The following CCDC85A variants were observed in gnomAD, a reference collection of about 807,000 sequenced individuals.
The protein encoded by CCDC85A is coiled-coil domain-containing protein 85A.
In CCDC85A, 38 loss-of-function variants were observed where a neutral mutation model predicts 50.2. The ratio of observed to expected loss-of-function variants is 0.76; its 90% CI spans 0.58 to 0.99. The LOEUF (loss-of-function observed/expected upper bound fraction) is 0.99, where lower values mean the gene tolerates loss of function less well. Ranked by LOEUF, CCDC85A falls within the 50% of genes least tolerant of loss-of-function variation. The pLI is 0.00. For missense variants in CCDC85A, 820 were observed against 742.0 expected (o/e 1.11, Z -1.22); for synonymous variants, 366 against 301.4 (o/e 1.21, Z -2.22).
At chr2:56,195,964 G>A (rs1676504421) in intron 2 of CCDC85A, among the ~76,000 whole-genome samples, 1 of 152,168 alleles carries the variant, frequency 6.6e-6, no homozygotes, top group South Asian at 2.1e-4. Flanking sequence ...ACACACATAT[G>A]CACACTGAGA....
intron 2 of CCDC85A, among the ~76,000 whole-genome samples, chr2:56,312,532 T>G (rs2104230503): frequency 6.6e-6 from 1 of 152,238 alleles, no homozygotes; most frequent in South Asian, 2.1e-4. Context: ...AAGAATAACT[T>G]TACTATTTTA....
At chr2:56,306,660 C>A (rs1245375028) in intron 2 of CCDC85A, among the ~76,000 whole-genome samples, 1 of 152,094 alleles carries the variant, frequency 6.6e-6, no homozygotes, top group Non-Finnish European at 1.5e-5. Context: ...ATGCAATTAA[C>A]GACCCATACT....
chr2:56,220,236 A>G (rs1173341840), intron 2 of CCDC85A, among the ~76,000 whole-genome samples: 2 of 142,576 alleles, frequency 1.4e-5, no homozygotes, highest in African/African-American at 4.9e-5. Context: ...TTTTGATTTT[A>G]CTTTCTACTT....
chr2:56,233,707 A>G (rs1668876961), intron 2 of CCDC85A, among the ~76,000 whole-genome samples: 1 of 152,204 alleles, frequency 6.6e-6, no homozygotes, highest in African/African-American at 2.4e-5. Context: ...CCCGCTTTAA[A>G]AGATTTTGTA....
At chr2:56,255,091 T>G (rs1171826308) in intron 2 of CCDC85A, among the ~76,000 whole-genome samples, 3 of 152,170 alleles carry the variant, frequency 2.0e-5, no homozygotes, top group African/African-American at 7.2e-5. Flanking sequence ...AAACATGGAC[T>G]TATCACACCT....
intron 3 of CCDC85A, among the ~76,000 whole-genome samples, chr2:56,372,129 T>C (rs1274535567): frequency 1.3e-5 from 2 of 152,230 alleles, no homozygotes; most frequent in Non-Finnish European, 2.9e-5. Context: ...AATGTAGTTA[T>C]ATGTTTACCA....
At chr2:56,328,820 C>T (rs778549991) in intron 2 of CCDC85A, among the ~76,000 whole-genome samples, 3 of 152,144 alleles carry the variant, frequency 2.0e-5, no homozygotes, top group African/African-American at 7.2e-5. Context: ...TGCCCTGGCT[C>T]ATGCACAACC....
chr2:56,313,361 T>C (rs536518034), intron 2 of CCDC85A, among the ~76,000 whole-genome samples: 8 of 152,298 alleles, frequency 5.3e-5, no homozygotes, highest in African/African-American at 1.7e-4. Flanking sequence ...ATAGTCCTTA[T>C]AGTACCTGGC....
intron 2 of CCDC85A, among the ~76,000 whole-genome samples, chr2:56,308,993 T>G (rs2104217681): frequency 6.6e-6 from 1 of 152,284 alleles, no homozygotes; most frequent in South Asian, 2.1e-4. Context: ...GATCTGTGGG[T>G]TCCTCAGCTT....
chr2:56,193,436 G>C lies in CCDC85A; in HGVS notation c.1236G>C (p.Met412Ile), dbSNP rs1190127330. The change falls in exon 2 of 6, where the codon ATG (methionine) becomes ATC (isoleucine). Residue 412 changes from methionine to isoleucine, a missense_variant. By Grantham distance (10) the Met-to-Ile change is conservative. Transcript: ENST00000407595. ...ATCACCGGAATGTCTACAGTGGCAT[G>C]AACGGTGGGTCAGTATGTGCTGGGG... ...SPHHRNVYSG[M>I]NESTLSYVRQ... The C allele has an allele frequency of 6.2e-7, 1 of 1,601,062 alleles. No individual in the cohort carries two copies. Among genetic ancestry groups the C allele is most frequent in the Admixed American group, 1.7e-5 (1 of 58,926 alleles).
At chr2:56,276,506 G>C (rs1342417582) in intron 2 of CCDC85A, among the ~76,000 whole-genome samples, 6 of 152,090 alleles carry the variant, frequency 3.9e-5, no homozygotes. Context: ...TCTCATGGTA[G>C]TGAATGAGTC....
At position 56,192,942 on chromosome 2, in the gene CCDC85A, C is replaced by A. The variant is rs1168327134; in HGVS notation, c.742C>A (p.His248Asn). ...GCCCCGGAGCGAGGGCAGCCCGGAG[C>A]ACTCCAAGCACAGGAGCGCCAGCCC... Reference protein sequence around the residue: ...QKPRSEGSPEHSKHRSASPEH... With the variant: ...QKPRSEGSPENSKHRSASPEH... The change falls in exon 2 of 6, where the codon CAC becomes AAC. Residue 248 changes from histidine to asparagine, a missense_variant. Transcript: ENST00000407595. This position sits in a 1 kb window ranked among gnomAD's most constrained non-coding sequence, Gnocchi z 4.7. 1 of 1,613,314 alleles carries A rather than the reference C, an allele frequency of 6.2e-7. No individual in the cohort carries two copies. Among genetic ancestry groups the A allele is most frequent in the Admixed American group, 1.7e-5 (1 of 59,984 alleles).
At chr2:56,379,436 T>C (rs1676483375) in intron 5 of CCDC85A, among the ~76,000 whole-genome samples, 1 of 152,194 alleles carries the variant, frequency 6.6e-6, no homozygotes, top group African/African-American at 2.4e-5. Context: ...TATATCCAAA[T>C]TGTTGATACA....
At chr2:56,338,569 T>A (rs1355680189) in intron 2 of CCDC85A, among the ~76,000 whole-genome samples, 1 of 152,190 alleles carries the variant, frequency 6.6e-6, no homozygotes, top group Non-Finnish European at 1.5e-5. Flanking sequence ...GATGTGACTT[T>A]TTTTAAGAAA....
At chr2:56,382,409 T>C (rs1162762129) in intron 5 of CCDC85A, among the ~76,000 whole-genome samples, 1 of 152,002 alleles carries the variant, frequency 6.6e-6, no homozygotes, top group Non-Finnish European at 1.5e-5. Flanking sequence ...AAAAGGTTAT[T>C]ATTCATATTA....
chr2:56,291,494 T>C (rs1006886869), intron 2 of CCDC85A, among the ~76,000 whole-genome samples: 1 of 152,194 alleles, frequency 6.6e-6, no homozygotes, highest in African/African-American at 2.4e-5. Flanking sequence ...GCTAAGGCGA[T>C]TGGAAAAGGC....
chr2:56,217,405 G>T (rs1053536898), intron 2 of CCDC85A, among the ~76,000 whole-genome samples: 1 of 151,882 alleles, frequency 6.6e-6, no homozygotes, highest in Admixed American at 6.6e-5. Context: ...TTTTGTGGTT[G>T]TCACTGTGTA....
intron 2 of CCDC85A, among the ~76,000 whole-genome samples, chr2:56,320,715 G>T (rs559141190): frequency 2.0e-5 from 3 of 152,252 alleles, no homozygotes; most frequent in African/African-American, 4.8e-5. Flanking sequence ...AGAGGTACGA[G>T]GAGGAGCTGG....
chr2:56,209,474 A>C (rs528539915), intron 2 of CCDC85A, among the ~76,000 whole-genome samples: 47 of 149,962 alleles, frequency 3.1e-4, no homozygotes, highest in Non-Finnish European at 5.6e-4. Flanking sequence ...ACTTGTATGC[A>C]AAACTTCTGC....
Sources: allele counts gnomAD v4.1 joint callset (sites outside exome capture counted in the v4.1 genomes callset), GRCh38; gene constraint gnomAD v4.1.1; non-coding constraint Gnocchi (gnomAD v3.1); transcripts MANE v1.5; gene names NCBI Gene and HGNC (gene_info 2026-07-23, HGNC 2026-07-21).